Variants in CPAMD8 observed in about 807,000 individuals in gnomAD.
CPAMD8 encodes C3 and PZP-like alpha-2-macroglobulin domain-containing protein 8.
A neutral mutation model predicts 224.7 loss-of-function variants in CPAMD8; 146 were observed. The ratio of observed to expected loss-of-function variants is 0.65; its 90% CI spans 0.57 to 0.75. The LOEUF is 0.75. Ranked by LOEUF, CPAMD8 falls within the 30% of genes least tolerant of loss-of-function variation. The pLI is 0.00. For synonymous variants in CPAMD8, 966 were observed against 1,044.6 expected (o/e 0.92, Z 1.45); for missense variants, 2,301 against 2,537.5 (o/e 0.91, Z 2.00).
At chr19:16,997,028 T>C in intron 11 of CPAMD8, 83 bp downstream of exon 11, 1 of 851,976 alleles carries the variant, frequency 1.2e-6, no homozygotes, top group Non-Finnish European at 2.0e-6. Context: ...TTCAGCTGAG[T>C]CACCACTGCA....
At position 17,021,338 on chromosome 19, in the gene CPAMD8, A is replaced by G. The variant is rs568875745; in HGVS notation, c.244+692T>C. On this transcript the variant is annotated intron_variant, in intron 2 of 41. Transcript: ENST00000443236. ...AGGAGTGCCTGGTTCTTCTAGGACT[A>G]GAAGGGCTTCTAGAAGGTTCTAGAA... Among the ~76,000 whole-genome samples the G allele has an allele frequency of 3.3e-5, 5 of 152,336 alleles. No individual in the cohort carries two copies. The East Asian group carries it at 7.7e-4, about 24-fold the overall frequency.
Position 16,971,723 on chromosome 19 carries a change from A to G in CPAMD8, c.2071-690T>C, listed in dbSNP as rs143667770. Among the ~76,000 whole-genome samples the G allele has an allele frequency of 9.5e-3, 1,440 of 152,202 alleles. 22 individuals are homozygous for G. The highest frequency in any genetic ancestry group is 0.033 in the African/African-American group (1,373 of 41,520). On this transcript the variant is annotated intron_variant, in intron 17 of 41. Coordinates refer to ENST00000443236, the MANE Select transcript of CPAMD8 (RefSeq NM_015692.5). ...AAATGCCACTGAATTTTAAACGGTG[A>G]GTTTTATGTTATATGAATTTCATCT...
rs144305898 is a variant in CPAMD8 at position 16,984,687 on chromosome 19, G to A, written c.1396-4001C>T. Among the ~76,000 whole-genome samples, 972 of 152,256 alleles carry A rather than the reference G, an allele frequency of 6.4e-3. 5 individuals are homozygous for A. Among genetic ancestry groups the A allele is most frequent in the African/African-American group, 0.022 (922 of 41,554 alleles). ...TCCAGAATTTAGAAAGAACTTTCAC[G>A]ACTCAACAAAGATAAACAACCCAAT... On this transcript the variant is annotated intron_variant, in intron 13 of 41. Transcript: ENST00000443236.
chr19:17,012,915 C>T (rs191959288), intron 3 of CPAMD8, among the ~76,000 whole-genome samples: 69 of 152,330 alleles, frequency 4.5e-4, no homozygotes, highest in African/African-American at 1.6e-3. Context: ...AGCGCAATGG[C>T]TCACACCTGT....
chr19:16,961,188 G>A (rs1290597869), intron 18 of CPAMD8, among the ~76,000 whole-genome samples: 1 of 152,202 alleles, frequency 6.6e-6, no homozygotes, highest in Non-Finnish European at 1.5e-5. Flanking sequence ...GCCCATGAAG[G>A]ATGAGCCGCA....
chr19:16,901,616 G>C (rs1417653588), intron 35 of CPAMD8, among the ~76,000 whole-genome samples: 1 of 152,184 alleles, frequency 6.6e-6, no homozygotes, highest in Non-Finnish European at 1.5e-5. Flanking sequence ...CCCCACTCTG[G>C]ACATGGTTGC....
chr19:17,004,434 G>C (rs754963431), intron 7 of CPAMD8, 48 bp from the exon 8 acceptor site: 1 of 1,241,892 alleles, frequency 8.1e-7, no homozygotes, highest in African/African-American at 1.5e-5. Context: ...CCACAGACAC[G>C]GTGAGGTACG....
intron 1 of CPAMD8, among the ~76,000 whole-genome samples, chr19:17,022,893 C>T (rs564960160): frequency 2.1e-4 from 32 of 152,116 alleles, no homozygotes; most frequent in South Asian, 1.7e-3. Context: ...TTCATCCTCA[C>T]GGTGCACCCC....
At chr19:16,994,940 TA>T (rs2056078178) in intron 11 of CPAMD8, among the ~76,000 whole-genome samples, 1 of 152,218 alleles carries the variant, frequency 6.6e-6, no homozygotes, top group Non-Finnish European at 1.5e-5. Flanking sequence ...GCACTGGGAC[TA>T]CAGGCATGAG....
chr19:16,939,964 G>C (rs2053831969), intron 22 of CPAMD8, among the ~76,000 whole-genome samples: 1 of 151,908 alleles, frequency 6.6e-6, no homozygotes, highest in African/African-American at 2.4e-5. Flanking sequence ...CCAGGCTGGA[G>C]TGCAATGGCG....
intron 18 of CPAMD8, among the ~76,000 whole-genome samples, chr19:16,961,351 C>T (rs1465278111): frequency 6.6e-6 from 1 of 152,254 alleles, no homozygotes; most frequent in East Asian, 1.9e-4. Context: ...ACCAGCAGAC[C>T]AGGAGATTCT....
chr19:16,893,022 G>A lies in CPAMD8; in HGVS notation c.*86C>T, dbSNP rs2144655187. 3.9e-6 allele frequency: 3 copies of A among 777,924 alleles called. No homozygotes were observed. Among genetic ancestry groups the A allele is most frequent in the African/African-American group, 1.7e-5 (1 of 59,278 alleles). The allele number at this position is 777,924 out of a possible 1,614,324, so 48.2% of individuals were successfully genotyped here. On this transcript the variant is annotated 3_prime_UTR_variant, in exon 42 of 42. Coordinates refer to ENST00000443236, the MANE Select transcript of CPAMD8 (RefSeq NM_015692.5). Reference sequence around the variant, plus strand: ...ATCATTTACCAGAGTTTTCTGAGATGTTAACCACAGGCACAAGCTGGGTGT... The same window carrying A: ...ATCATTTACCAGAGTTTTCTGAGATATTAACCACAGGCACAAGCTGGGTGT...
chr19:16,980,723 C>T lies in CPAMD8; in HGVS notation c.1396-37G>A, dbSNP rs8100517. The T allele has an allele frequency of 0.34, 498,940 of 1,477,008 alleles. 89,429 individuals are homozygous for T. Among genetic ancestry groups the T allele is most frequent in the African/African-American group, 0.64 (43,995 of 69,076 alleles). 91.5% of individuals were successfully genotyped at this position (1,477,008 alleles called of 1,614,324 possible). A position where few individuals can be genotyped will look rare whatever the true frequency, so the allele number is the denominator to read the frequency against. On this transcript the variant is annotated intron_variant, in intron 13 of 41. Coordinates refer to ENST00000443236, the MANE Select transcript of CPAMD8 (RefSeq NM_015692.5). Reference sequence around the variant, plus strand: ...ACGCAGCATGGGGGGCTCTGCCTCGCACCAATGTTGCAACCCACCACAGGA... The same window carrying T: ...ACGCAGCATGGGGGGCTCTGCCTCGTACCAATGTTGCAACCCACCACAGGA...
chr19:16,902,780 C>G lies in CPAMD8; in HGVS notation c.4554G>C (p.Gln1518His). 6.3e-7 allele frequency: 1 copy of G among 1,590,986 alleles called. No individual in the cohort carries two copies. The highest frequency in any genetic ancestry group is 8.6e-7 in the Non-Finnish European group (1 of 1,164,782). The change falls in exon 35 of 42, where the codon CAG becomes CAC. Residue 1518 changes from glutamine (Q) to histidine (H), a missense_variant. By Grantham distance (24) the Gln-to-His change is conservative (BLOSUM62 0). Transcript: ENST00000443236. ...AGGCAGGCATGGGGGGCGGGCGTCC[C>G]TGGGCCTCAGGCTCCTGGAGGCTTA... Reference protein sequence around the residue: ...LLVSLQEPEAQGRPPPMPASA... With the variant: ...LLVSLQEPEAHGRPPPMPASA...
At chr19:16,929,376 G>A (rs1023074902) in intron 23 of CPAMD8, 136 bp from the exon 24 acceptor site, 2 of 684,196 alleles carry the variant, frequency 2.9e-6, no homozygotes, top group Non-Finnish European at 2.5e-6. Context: ...GTGGAATGGT[G>A]TTGGCCTAAC....
At chr19:16,930,525 G>C (rs992394191) in intron 23 of CPAMD8, among the ~76,000 whole-genome samples, 1 of 152,148 alleles carries the variant, frequency 6.6e-6, no homozygotes, top group Non-Finnish European at 1.5e-5. Flanking sequence ...CACCTAAAGC[G>C]AAGAAGGAAA....
intron 11 of CPAMD8, among the ~76,000 whole-genome samples, chr19:16,996,817 TAA>T (rs11332531): frequency 0.014 from 1,472 of 108,338 alleles, 20 homozygotes; most frequent in African/African-American, 0.041. Context: ...TGACTATCTC[TAA>T]AAAAAAAAAA....
At chr19:16,988,499 A>C (rs569490928) in intron 13 of CPAMD8, among the ~76,000 whole-genome samples, 2 of 151,852 alleles carry the variant, frequency 1.3e-5, no homozygotes, top group East Asian at 3.9e-4. Context: ...AATCCCAGCT[A>C]CTCCAGAGGC....
intron 19 of CPAMD8, among the ~76,000 whole-genome samples, chr19:16,955,731 C>T (rs1459267827): frequency 6.6e-6 from 1 of 152,142 alleles, no homozygotes; most frequent in Non-Finnish European, 1.5e-5. Flanking sequence ...GGCTGGAGTG[C>T]AGTGGTGTAA....
Sources: gnomAD v4.1 joint callset for allele counts (sites outside exome capture counted in the v4.1 genomes callset) on GRCh38, gnomAD v4.1.1 for gene constraint, MANE v1.5 for transcripts, NCBI Gene and HGNC (gene_info 2026-07-23, HGNC 2026-07-21) for gene names.